The following PCDH11X variants were observed in gnomAD, a reference collection of about 807,000 sequenced individuals.
PCDH11X encodes the protein protocadherin-11 X-linked.
A neutral mutation model predicts 53.3 loss-of-function variants in PCDH11X; 18 were observed. That is an observed-to-expected ratio of 0.34 (90% CI 0.23 to 0.50). PCDH11X has a LOEUF of 0.50. Among genes scored for constraint, PCDH11X ranks in the 20% least tolerant of loss-of-function variants. PCDH11X has a pLI of 0.98. For missense variants in PCDH11X, 570 were observed against 1,032.4 expected (o/e 0.55, Z 6.14); for synonymous variants, 279 against 393.3 (o/e 0.71, Z 3.44).
intron 6 of PCDH11X, among the ~76,000 whole-genome samples, chrX:92,198,687 G>A (rs1201376651): frequency 9.0e-6 from 1 of 110,680 alleles, no homozygotes; most frequent in Non-Finnish European, 1.9e-5. Flanking sequence ...TAAATTACCT[G>A]CATCTTATTA....
intron 7 of PCDH11X, among the ~76,000 whole-genome samples, chrX:92,238,416 T>G (rs2067207878): frequency 9.0e-6 from 1 of 111,645 alleles, no homozygotes; most frequent in Non-Finnish European, 1.9e-5. Flanking sequence ...CAGACAGATG[T>G]GCATTAGTCC....
intron 6 of PCDH11X, among the ~76,000 whole-genome samples, chrX:92,056,356 C>T (rs1190135970): frequency 9.0e-6 from 1 of 111,181 alleles, no homozygotes; most frequent in Non-Finnish European, 1.9e-5. Context: ...TGTTCATGTC[C>T]TTTGCTCACT....
chrX:91,997,377 T>C (rs2062437799), intron 6 of PCDH11X, among the ~76,000 whole-genome samples: 2 of 111,573 alleles, frequency 1.8e-5, no homozygotes, highest in South Asian at 7.4e-4. Context: ...TATTATGTTA[T>C]GTTGAGCTAT....
intron 10 of PCDH11X, among the ~76,000 whole-genome samples, chrX:92,594,663 T>C (rs974825841): frequency 1.8e-5 from 2 of 109,386 alleles, no homozygotes; most frequent in Non-Finnish European, 3.8e-5. Context: ...ACAGGTGCAC[T>C]TGAATGCAGG....
intron 9 of PCDH11X, among the ~76,000 whole-genome samples, chrX:92,462,387 T>C (rs1229583459): frequency 9.0e-6 from 1 of 111,072 alleles, no homozygotes; most frequent in African/African-American, 3.3e-5. Context: ...TCAATTTCAC[T>C]GTGGACCTAA....
chrX:91,981,199 C>T (rs902335455), intron 6 of PCDH11X, among the ~76,000 whole-genome samples: 5 of 108,003 alleles, frequency 4.6e-5, no homozygotes, highest in Non-Finnish European at 9.5e-5. Context: ...TAATAGCTAA[C>T]TCGACAGTGC....
intron 8 of PCDH11X, among the ~76,000 whole-genome samples, chrX:92,320,950 G>T (rs1370854302): frequency 2.8e-5 from 3 of 107,651 alleles, no homozygotes; most frequent in African/African-American, 1.0e-4. Flanking sequence ...ACTTTGGGGC[G>T]AAGACCTTAA....
chrX:91,800,146 C>A (rs1344863717), intron 1 of PCDH11X, among the ~76,000 whole-genome samples: 17 of 110,555 alleles, frequency 1.5e-4, no homozygotes, highest in African/African-American at 5.6e-4. Context: ...TCTCCACTTT[C>A]TCTTTTCCTT....
At position 92,549,954 on chromosome X, in the gene PCDH11X, G is replaced by A. The variant is rs889762971; in HGVS notation, c.3368-68310G>A. ...ATGATTTCTTGTAGTGGGAATATTC[G>A]AAATCCTCTCTTCTAGCTTTTTGAA... On this transcript the variant is annotated intron_variant, in intron 10 of 10. Transcript: ENST00000682573. 3.6e-5 allele frequency among the ~76,000 whole-genome samples: 4 copies of A among 110,812 alleles called. No individual in the cohort carries two copies. The East Asian group carries it at 8.6e-4, about 24-fold the overall frequency.
At chrX:92,298,770 A>G (rs1229357158) in intron 8 of PCDH11X, among the ~76,000 whole-genome samples, 1 of 111,004 alleles carries the variant, frequency 9.0e-6, no homozygotes, top group Non-Finnish European at 1.9e-5. Flanking sequence ...CCCAATAACA[A>G]GATGCAGATG....
At chrX:92,579,887 C>T (rs12843524) in intron 10 of PCDH11X, among the ~76,000 whole-genome samples, 3 of 111,398 alleles carry the variant, frequency 2.7e-5, no homozygotes, top group Non-Finnish European at 5.6e-5. Context: ...TTATCTACCT[C>T]GGATCTTAGA....
intron 9 of PCDH11X, among the ~76,000 whole-genome samples, chrX:92,417,433 G>C (rs996274198): frequency 9.1e-6 from 1 of 110,219 alleles, no homozygotes; most frequent in African/African-American, 3.3e-5. Flanking sequence ...AGTTGACATG[G>C]AAGCCAAATA....
intron 9 of PCDH11X, among the ~76,000 whole-genome samples, chrX:92,397,647 T>C (rs2071278571): frequency 1.8e-5 from 2 of 110,289 alleles, no homozygotes; most frequent in Admixed American, 2.0e-4. Context: ...AAGTTAAGTA[T>C]TAACAAGGAA....
chrX:91,951,672 A>G, intron 6 of PCDH11X, among the ~76,000 whole-genome samples: 1 of 104,597 alleles, frequency 9.6e-6, no homozygotes, highest in Non-Finnish European at 2.0e-5. Flanking sequence ...TATTTTTTCT[A>G]GTTATTGCAG....
chrX:92,433,784 G>T (rs2072306262), intron 9 of PCDH11X, among the ~76,000 whole-genome samples: 1 of 111,429 alleles, frequency 9.0e-6, no homozygotes, highest in Non-Finnish European at 1.9e-5. Flanking sequence ...TACTTGAACA[G>T]TAATGATAAC....
Position 92,104,658 on chromosome X carries a change from G to T in PCDH11X, c.3034-96717G>T, listed in dbSNP as rs187511177. Among the ~76,000 whole-genome samples, 859 of 110,630 alleles carry T rather than the reference G, an allele frequency of 7.8e-3. 8 individuals carry two copies. The highest frequency in any genetic ancestry group is 0.027 in the African/African-American group (807 of 30,326). On this transcript the variant is annotated intron_variant, in intron 6 of 10. Coordinates refer to ENST00000682573, the MANE Select transcript of PCDH11X (RefSeq NM_032968.5). Reference sequence around the variant, plus strand: ...AGGTTTTAAGTTCTTAAGAATACAGGCTAAGGGAGAAGAAGGAGGAATGGA... The same window carrying T: ...AGGTTTTAAGTTCTTAAGAATACAGTCTAAGGGAGAAGAAGGAGGAATGGA...
chrX:92,341,213 A>C (rs1402972885), intron 8 of PCDH11X, among the ~76,000 whole-genome samples: 2 of 111,729 alleles, frequency 1.8e-5, no homozygotes, highest in Non-Finnish European at 1.9e-5. Context: ...CATTGTCCAT[A>C]TCACTATCAG....
At chrX:92,212,906 T>G (rs747576017) in intron 7 of PCDH11X, among the ~76,000 whole-genome samples, 1 of 112,603 alleles carries the variant, frequency 8.9e-6, no homozygotes, top group Non-Finnish European at 1.9e-5. Context: ...AGAATGTGTT[T>G]CTTTGGTATG....
chrX:91,952,107 C>T, intron 6 of PCDH11X, among the ~76,000 whole-genome samples: 1 of 111,042 alleles, frequency 9.0e-6, no homozygotes, highest in South Asian at 3.8e-4. Context: ...GGAAATTGGG[C>T]TTCATGGTAA....
Sources: gnomAD v4.1 joint callset for allele counts (sites outside exome capture counted in the v4.1 genomes callset) on GRCh38, gnomAD v4.1.1 for gene constraint, MANE v1.5 for transcripts, NCBI Gene and HGNC (gene_info 2026-07-23, HGNC 2026-07-21) for gene names.